NR6A1: variants seen among roughly 807,000 people sequenced by gnomAD.
The protein encoded by NR6A1 is nuclear receptor subfamily 6 group A member 1.
Under a neutral mutation model 59.1 loss-of-function variants are expected in NR6A1, and 7 were observed. The observed-to-expected ratio is 0.12, with a 90% CI of 0.07 to 0.22. NR6A1 has a LOEUF of 0.22. Among genes scored for constraint, NR6A1 ranks in the 10% least tolerant of loss-of-function variants. NR6A1 has a pLI of 1.00. For synonymous variants in NR6A1, 243 were observed against 236.1 expected (o/e 1.03, Z -0.27); for missense variants, 468 against 611.6 (o/e 0.77, Z 2.48).
intron 2 of NR6A1, among the ~76,000 whole-genome samples, chr9:124,602,349 G>A (rs936853075): frequency 6.6e-6 from 1 of 152,156 alleles, no homozygotes; most frequent in Non-Finnish European, 1.5e-5. Context: ...TTTGGCACCC[G>A]TGACTGTTTA....
At chr9:124,657,145 T>C (rs1280948118) in intron 2 of NR6A1, among the ~76,000 whole-genome samples, 4 of 152,238 alleles carry the variant, frequency 2.6e-5, no homozygotes, top group African/African-American at 7.2e-5. Context: ...TCATCTCCTC[T>C]TCTTTCGAAC....
chr9:124,729,312 A>G (rs1839818197), intron 2 of NR6A1, among the ~76,000 whole-genome samples: 1 of 152,246 alleles, frequency 6.6e-6, no homozygotes, highest in Non-Finnish European at 1.5e-5. Flanking sequence ...TGGAAAATGT[A>G]TGAAAGAAAC....
chr9:124,576,859 C>A (rs1208716973), intron 2 of NR6A1, among the ~76,000 whole-genome samples: 4 of 152,062 alleles, frequency 2.6e-5, no homozygotes, highest in South Asian at 2.1e-4. Flanking sequence ...GAGTTTGAGA[C>A]CAGCTTGGGC....
chr9:124,769,440 C>A (rs576677848), intron 1 of NR6A1, among the ~76,000 whole-genome samples: 128 of 152,308 alleles, frequency 8.4e-4, no homozygotes, highest in Non-Finnish European at 1.3e-3. Flanking sequence ...CCAAGATTTC[C>A]ACCGTCTGTA....
At position 124,719,627 on chromosome 9, in the gene NR6A1, G is replaced by A. The variant is rs1344362679; in HGVS notation, c.142+13681C>T. ...ACCTAAGAGTATACGCTCATTTAAA[G>A]AAGGCAGCAGGCTGAGCACAGTGGC... is the stretch of plus-strand genomic sequence containing the variant. On this transcript the variant is annotated intron_variant, in intron 2 of 9. Coordinates refer to ENST00000487099, the MANE Select transcript of NR6A1 (RefSeq NM_033334.4). 2.0e-5 allele frequency among the ~76,000 whole-genome samples: 3 copies of A among 152,124 alleles called. No individual in the cohort carries two copies. In the East Asian group the frequency reaches 5.8e-4, roughly 29 times the overall value.
chr9:124,695,614 CCCGCCTCGG>C (rs918626183), intron 2 of NR6A1, among the ~76,000 whole-genome samples: 1 of 152,122 alleles, frequency 6.6e-6, no homozygotes, highest in African/African-American at 2.4e-5. Flanking sequence ...AAGTGATCCG[CCCGCCTCGG>C]CCGCCCAAAT....
At chr9:124,566,775 A>G (rs1834253413) in intron 2 of NR6A1, among the ~76,000 whole-genome samples, 1 of 152,214 alleles carries the variant, frequency 6.6e-6, no homozygotes, top group Non-Finnish European at 1.5e-5. Flanking sequence ...AAATTGGAAA[A>G]CAAAAGCTGA....
At chr9:124,544,629 G>C (rs1359258857) in intron 3 of NR6A1, among the ~76,000 whole-genome samples, 1 of 152,186 alleles carries the variant, frequency 6.6e-6, no homozygotes. Flanking sequence ...TGAGCGAACA[G>C]TGTACAAAAA....
intron 2 of NR6A1, among the ~76,000 whole-genome samples, chr9:124,644,135 G>A (rs896637424): frequency 1.1e-4 from 17 of 151,780 alleles, no homozygotes; most frequent in African/African-American, 3.6e-4. Context: ...TCTTGACCTC[G>A]TTGTGATCCA....
At chr9:124,760,743 C>T (rs1206081903) in intron 1 of NR6A1, among the ~76,000 whole-genome samples, 1 of 152,152 alleles carries the variant, frequency 6.6e-6, no homozygotes, top group African/African-American at 2.4e-5. Context: ...ATTATAAACA[C>T]TATGTAAATG....
intron 2 of NR6A1, among the ~76,000 whole-genome samples, chr9:124,687,432 C>T (rs920742507): frequency 3.3e-5 from 5 of 151,910 alleles, no homozygotes; most frequent in Non-Finnish European, 1.5e-5. Context: ...GCCACCATGC[C>T]CCCAACATCC....
intron 2 of NR6A1, among the ~76,000 whole-genome samples, chr9:124,616,182 G>A (rs1835884775): frequency 6.6e-6 from 1 of 151,840 alleles, no homozygotes; most frequent in South Asian, 2.1e-4. Context: ...CAGATCACCT[G>A]AGGCCAGGAG....
chr9:124,643,106 G>GT (rs1836814200), intron 2 of NR6A1, among the ~76,000 whole-genome samples: 1 of 134,392 alleles, frequency 7.4e-6, no homozygotes, highest in Non-Finnish European at 1.6e-5. Context: ...TCGGGTGGGG[G>GT]GGGGGAACAA....
intron 1 of NR6A1, among the ~76,000 whole-genome samples, chr9:124,766,776 C>T (rs1840946466): frequency 6.6e-6 from 1 of 152,202 alleles, no homozygotes; most frequent in Admixed American, 6.5e-5. Flanking sequence ...AATGAAGTCT[C>T]CTAATGTGGG....
At chr9:124,539,504 TC>T (rs1286706634) in intron 5 of NR6A1, among the ~76,000 whole-genome samples, 1 of 152,226 alleles carries the variant, frequency 6.6e-6, no homozygotes, top group African/African-American at 2.4e-5. Context: ...AAGGAAAGCT[TC>T]CCTAATAGCT....
chr9:124,679,531 A>C (rs57954724), intron 2 of NR6A1, among the ~76,000 whole-genome samples: 2,786 of 152,258 alleles, frequency 0.018, 78 homozygotes, highest in African/African-American at 0.063. Context: ...ACAATGACAC[A>C]ATTGCTTGCA....
At chr9:124,631,352 A>G (rs1286865313) in intron 2 of NR6A1, among the ~76,000 whole-genome samples, 2 of 152,228 alleles carry the variant, frequency 1.3e-5, no homozygotes, top group African/African-American at 4.8e-5. Context: ...TTAAGATACA[A>G]GGATCATTGG....
In NR6A1 at chr9:124,632,277, CCCA is replaced by C. The variant is rs565813515; in HGVS notation, c.143-77710_143-77708del. Among the ~76,000 whole-genome samples, 754 of 152,316 alleles carry C rather than the reference CCCA, an allele frequency of 5.0e-3. 2 individuals are homozygous for C. Among genetic ancestry groups the C allele is most frequent in the Middle Eastern group, 0.01 (3 of 294 alleles). On this transcript the variant is annotated intron_variant, in intron 2 of 9. Transcript: ENST00000487099. ...CACAATAGTTGAACTAACATACACT[CCCA>C]CCAACAGTGTAAAAGCTTTCCTTTT...
intron 7 of NR6A1, among the ~76,000 whole-genome samples, chr9:124,528,908 C>G (rs1231658853): frequency 6.6e-6 from 1 of 152,184 alleles, no homozygotes; most frequent in Non-Finnish European, 1.5e-5. Context: ...AGATTATACA[C>G]AAATACTACA....
Sources: gnomAD v4.1 joint callset for allele counts (sites outside exome capture counted in the v4.1 genomes callset) on GRCh38, gnomAD v4.1.1 for gene constraint, MANE v1.5 for transcripts, NCBI Gene and HGNC (gene_info 2026-07-23, HGNC 2026-07-21) for gene names.